The following KALRN variants were observed in gnomAD, a reference collection of about 807,000 sequenced individuals.
The protein encoded by KALRN is kalirin.
In KALRN, 70 loss-of-function variants were observed where a neutral mutation model predicts 353.7. That is an observed-to-expected ratio of 0.20 (90% CI 0.16 to 0.24). The LOEUF is 0.24. Ranked by LOEUF, KALRN falls within the 10% of genes least tolerant of loss-of-function variation. The probability of loss-of-function intolerance (pLI) is 1.00; values close to 1 mark genes in which losing one functional copy is unlikely to be tolerated. For synonymous variants in KALRN, 1,391 were observed against 1,434.8 expected (o/e 0.97, Z 0.69); for missense variants, 2,791 against 3,756.7 (o/e 0.74, Z 6.72).
In KALRN at chr3:124,210,104, G is replaced by A. The variant is rs113337709; in HGVS notation, c.74-17886G>A. Among the ~76,000 whole-genome samples the A allele has an allele frequency of 2.1e-3, 327 of 152,238 alleles. 1 individual carries two copies. The highest frequency in any genetic ancestry group is 7.2e-3 in the African/African-American group (298 of 41,544). ...ATGACCTTAAGCAGATTATGTAAAC[G>A]CTCTCTGTATCTCAGTTTTTCCTCT... is the stretch of plus-strand genomic sequence containing the variant. On this transcript the variant is annotated intron_variant, in intron 1 of 59. Coordinates refer to ENST00000682506, the MANE Select transcript of KALRN (RefSeq NM_001388419.1).
intron 14 of KALRN, 63 bp downstream of exon 14, chr3:124,413,728 T>A: frequency 7.7e-7 from 1 of 1,297,918 alleles, no homozygotes; most frequent in Non-Finnish European, 1.1e-6. Flanking sequence ...CCATCTAGCC[T>A]GCAAGGAGCA....
intron 36 of KALRN, among the ~76,000 whole-genome samples, chr3:124,635,960 A>G (rs2081309789): frequency 6.6e-6 from 1 of 152,114 alleles, no homozygotes; most frequent in South Asian, 2.1e-4. Flanking sequence ...TATATACAGC[A>G]TTTGTTCTTT....
chr3:124,674,654 G>A (rs772831486), intron 49 of KALRN, 40 bp downstream of exon 49: 158 of 1,484,076 alleles, frequency 1.1e-4, no homozygotes, highest in Non-Finnish European at 1.4e-4. Context: ...GGAGTATGAG[G>A]ATTAAAAATA....
intron 34 of KALRN, among the ~76,000 whole-genome samples, chr3:124,611,466 C>T (rs2077963958): frequency 6.6e-6 from 1 of 152,130 alleles, no homozygotes; most frequent in South Asian, 2.1e-4. Flanking sequence ...CCTGATGGTT[C>T]CTATTCATCC....
At chr3:124,071,483 A>T (rs1160949824) in intron 1 of KALRN, among the ~76,000 whole-genome samples, 2 of 152,240 alleles carry the variant, frequency 1.3e-5, no homozygotes, top group Non-Finnish European at 2.9e-5. Flanking sequence ...AGAGGAGAGC[A>T]GAAGACATCT....
chr3:124,397,362 C>T (rs893714738), intron 12 of KALRN, among the ~76,000 whole-genome samples: 1 of 152,124 alleles, frequency 6.6e-6, no homozygotes, highest in African/African-American at 2.4e-5. Context: ...CGGAAGGGTG[C>T]TTGACAAATT....
intron 15 of KALRN, among the ~76,000 whole-genome samples, chr3:124,424,301 T>C (rs974512267): frequency 6.6e-6 from 1 of 152,156 alleles, no homozygotes; most frequent in Admixed American, 6.5e-5. Flanking sequence ...AGCTTTTACC[T>C]TTTTTCTTCA....
intron 57 of KALRN, 24 bp downstream of exon 57, chr3:124,702,140 T>C (rs1353749316): frequency 1.3e-6 from 2 of 1,482,394 alleles, no homozygotes; most frequent in Non-Finnish European, 1.9e-6. Context: ...TTTATATTCC[T>C]TCATTCATGA....
chr3:124,123,875 G>T (rs1355330547), intron 1 of KALRN, among the ~76,000 whole-genome samples: 1 of 152,162 alleles, frequency 6.6e-6, no homozygotes, highest in African/African-American at 2.4e-5. Context: ...GAGACCCACT[G>T]CTCAGAAAAA....
At chr3:124,417,072 G>C (rs1443821227) in intron 14 of KALRN, among the ~76,000 whole-genome samples, 3 of 152,292 alleles carry the variant, frequency 2.0e-5, no homozygotes, top group African/African-American at 7.2e-5. Context: ...TCAGGCTCAG[G>C]AATAGAGTAA....
chr3:124,111,012 C>T (rs189536364), intron 1 of KALRN, among the ~76,000 whole-genome samples: 73 of 152,256 alleles, frequency 4.8e-4, no homozygotes, highest in Admixed American at 1.5e-3. Context: ...TGTTTTGGGC[C>T]TTCCTCTTTG....
intron 1 of KALRN, among the ~76,000 whole-genome samples, chr3:124,116,085 A>T (rs2063430268): frequency 2.6e-5 from 4 of 152,216 alleles, no homozygotes; most frequent in Admixed American, 2.6e-4. Flanking sequence ...CTGCTGGCTT[A>T]GTTGGCCTGG....
At chr3:124,158,685 C>A (rs982692490) in intron 1 of KALRN, among the ~76,000 whole-genome samples, 3 of 152,286 alleles carry the variant, frequency 2.0e-5, no homozygotes, top group East Asian at 1.9e-4. Context: ...CTCCTCCCCC[C>A]ACCACCCGCC....
chr3:124,528,495 C>T (rs186447942), intron 33 of KALRN, among the ~76,000 whole-genome samples: 2 of 152,128 alleles, frequency 1.3e-5, no homozygotes, highest in Admixed American at 6.5e-5. Context: ...GCAGCAGACT[C>T]GAGAGTTAAG....
intron 27 of KALRN, among the ~76,000 whole-genome samples, chr3:124,478,560 A>G (rs1228177459): frequency 6.6e-6 from 1 of 152,218 alleles, no homozygotes; most frequent in Non-Finnish European, 1.5e-5. Flanking sequence ...AAATGGCTCT[A>G]TGTATCCCAC....
intron 1 of KALRN, among the ~76,000 whole-genome samples, chr3:124,148,147 C>A (rs2067609366): frequency 6.6e-6 from 1 of 152,164 alleles, no homozygotes; most frequent in Non-Finnish European, 1.5e-5. Context: ...CGGCTCCCCT[C>A]TACTGGTTGT....
chr3:124,622,874 G>A (rs1329519462), intron 34 of KALRN, among the ~76,000 whole-genome samples: 1 of 152,148 alleles, frequency 6.6e-6, no homozygotes, highest in Non-Finnish European at 1.5e-5. Context: ...TGTACAGTGT[G>A]TTCTGATTTC....
intron 1 of KALRN, among the ~76,000 whole-genome samples, chr3:124,099,006 T>C (rs1232872997): frequency 6.6e-6 from 1 of 152,230 alleles, no homozygotes; most frequent in Non-Finnish European, 1.5e-5. Context: ...TAATCGTACA[T>C]ATTTACGGGT....
chr3:124,498,297 A>T (rs2064108445), intron 33 of KALRN, among the ~76,000 whole-genome samples: 1 of 152,116 alleles, frequency 6.6e-6, no homozygotes, highest in Admixed American at 6.6e-5. Context: ...TGCTGTAGAG[A>T]GATGTGGACT....
Sources: gnomAD v4.1 joint callset for allele counts (sites outside exome capture counted in the v4.1 genomes callset) on GRCh38, gnomAD v4.1.1 for gene constraint, MANE v1.5 for transcripts, NCBI Gene and HGNC (gene_info 2026-07-23, HGNC 2026-07-21) for gene names.